The following TBC1D16 variants were observed in gnomAD, a reference collection of about 807,000 sequenced individuals.
TBC1D16 encodes CTD-2529O21.1.
TBC1D16 carries 58 observed loss-of-function variants against 74.7 expected under a neutral mutation model. That is an observed-to-expected ratio of 0.78 (90% CI 0.63 to 0.97). TBC1D16 has a LOEUF of 0.97. Among genes scored for constraint, TBC1D16 ranks in the 50% least tolerant of loss-of-function variants. The pLI, the probability that TBC1D16 is intolerant of heterozygous loss-of-function variation, is 0.00. For synonymous variants in TBC1D16, 493 were observed against 474.7 expected (o/e 1.04, Z -0.50); for missense variants, 1,014 against 1,079.5 (o/e 0.94, Z 0.85).
intron 3 of TBC1D16, among the ~76,000 whole-genome samples, chr17:79,970,814 G>C (rs1234343559): frequency 7.0e-6 from 1 of 143,142 alleles, no homozygotes; most frequent in Non-Finnish European, 1.5e-5. Context: ...GCACATCAGA[G>C]AAAGCACCAG....
intron 3 of TBC1D16, among the ~76,000 whole-genome samples, chr17:79,982,142 T>G (rs1598384752): frequency 6.7e-6 from 1 of 150,160 alleles, no homozygotes; most frequent in African/African-American, 2.5e-5. Flanking sequence ...CTTTGTGTGG[T>G]TTTTTTTTCT....
Position 80,019,234 on chromosome 17 carries a change from C to A in TBC1D16, c.-62-5625G>T, listed in dbSNP as rs1473975336. 1.3e-5 allele frequency among the ~76,000 whole-genome samples: 2 copies of A among 150,152 alleles called. 1 individual carries two copies. The highest frequency in any genetic ancestry group is 5.1e-5 in the African/African-American group (2 of 39,504). On this transcript the variant is annotated intron_variant, in intron 1 of 11. Coordinates refer to ENST00000310924, the MANE Select transcript of TBC1D16 (RefSeq NM_019020.4). ...TTCCGAAATACAAGTGTTCAAAATA[C>A]AGCATTTTCTCCCATACCATGACAG...
rs560820588 is a variant in TBC1D16 at position 79,990,175 on chromosome 17, T to C, written c.779+19985A>G. ...CAGAGTCTAACGACTAGATTTGACTTTCAGCTGCTCGGACGGAGGCTTCAA... is the reference window on the plus strand; with the variant it reads ...CAGAGTCTAACGACTAGATTTGACTCTCAGCTGCTCGGACGGAGGCTTCAA... On this transcript the variant is annotated intron_variant, in intron 3 of 11. Transcript: ENST00000310924. This position sits in a 1 kb window ranked among gnomAD's most constrained non-coding sequence, Gnocchi z 4.8. 3.9e-5 allele frequency among the ~76,000 whole-genome samples: 6 copies of C among 152,336 alleles called. No homozygotes were observed. The South Asian group carries it at 8.3e-4, about 21-fold the overall frequency.
At chr17:80,018,438 T>C (rs990742539) in intron 1 of TBC1D16, among the ~76,000 whole-genome samples, 24 of 149,218 alleles carry the variant, frequency 1.6e-4, no homozygotes, top group South Asian at 8.5e-4. Flanking sequence ...CCCGCCACCA[T>C]GCCCGGCTAA....
chr17:79,969,290 G>C lies in TBC1D16; in HGVS notation c.780-16472C>G, dbSNP rs572427893. Among the ~76,000 whole-genome samples, 16 of 152,284 alleles carry C rather than the reference G, an allele frequency of 1.1e-4. No homozygotes were observed. In the East Asian group the frequency reaches 3.1e-3, roughly 29 times the overall value. On this transcript the variant is annotated intron_variant, in intron 3 of 11. Coordinates refer to ENST00000310924, the MANE Select transcript of TBC1D16 (RefSeq NM_019020.4). ...AATCCCAGCTACTCGGGAGGCTGAG[G>C]CAGGAGAATCGCTTGAACCTAGGAA...
In TBC1D16 at chr17:80,010,051, G is replaced by A. The variant is rs2035817165; in HGVS notation, c.779+109C>T. On this transcript the variant is annotated intron_variant, in intron 3 of 11. Transcript: ENST00000310924. The surrounding 1 kb of genome is among the most constrained non-coding windows in gnomAD (Gnocchi z 8.8). The stretch of plus-strand genomic sequence containing the variant: ...GCCACAGCCGCGGGCAGGTCGGGCA[G>A]ATGCCTCCAGCGCTCACCTGGCATC... The A allele has an allele frequency of 3.0e-5, 29 of 977,822 alleles. No homozygotes were observed. The South Asian group carries it at 4.9e-4, about 17-fold the overall frequency. The allele number at this position is 977,822 out of a possible 1,614,324, so 60.6% of individuals were successfully genotyped here. A position where few individuals can be genotyped will look rare whatever the true frequency, so the allele number is the denominator to read the frequency against.
In TBC1D16 at chr17:79,956,049, A is replaced by G. The variant is rs549275855; in HGVS notation, c.780-3231T>C. Among the ~76,000 whole-genome samples the G allele has an allele frequency of 7.2e-5, 11 of 152,312 alleles. 1 individual carries two copies. In the South Asian group the frequency reaches 2.3e-3, roughly 32 times the overall value. ...TTGGCACAGTGCAGGCAAGACAGAC[A>G]GACGAGAGCTCATGAGAGAGACACG... On this transcript the variant is annotated intron_variant, in intron 3 of 11. Coordinates refer to ENST00000310924, the MANE Select transcript of TBC1D16 (RefSeq NM_019020.4). The surrounding 1 kb of genome is among the most constrained non-coding windows in gnomAD (Gnocchi z 4.0).
chr17:79,951,489 C>G lies in TBC1D16; in HGVS notation c.1050G>C (p.Gln350His). The G allele has an allele frequency of 6.2e-7, 1 of 1,613,970 alleles. No homozygotes were observed. The highest frequency in any genetic ancestry group is 8.5e-7 in the Non-Finnish European group (1 of 1,179,946). ...GCATCTCGGTGCAGTATTTCCACTGCTGGAACACGTCAGACAGCTTGTCCA... is the reference window on the plus strand; with the variant it reads ...GCATCTCGGTGCAGTATTTCCACTGGTGGAACACGTCAGACAGCTTGTCCA... ...GGLDKLSDVF[Q>H]QWKYCTEMQL... Residue 350 changes from glutamine to histidine, a missense_variant, in exon 5 of 12, where the codon CAG becomes CAC. Coordinates refer to ENST00000310924, the MANE Select transcript of TBC1D16 (RefSeq NM_019020.4).
intron 3 of TBC1D16, among the ~76,000 whole-genome samples, chr17:79,966,787 A>G (rs886180524): frequency 6.6e-6 from 1 of 152,228 alleles, no homozygotes; most frequent in African/African-American, 2.4e-5. Context: ...ATCCATTTGA[A>G]TAGACCCAAA....
At chr17:80,016,787 C>T (rs2036105661) in intron 1 of TBC1D16, among the ~76,000 whole-genome samples, 1 of 152,202 alleles carries the variant, frequency 6.6e-6, no homozygotes, top group South Asian at 2.1e-4. Flanking sequence ...TCCCCCAGCC[C>T]TGTTTGTGTA....
Position 79,986,483 on chromosome 17 carries a change from C to G in TBC1D16, c.779+23677G>C, listed in dbSNP as rs2144393854. Among the ~76,000 whole-genome samples the G allele has an allele frequency of 6.6e-6, 1 of 152,300 alleles. No individual in the cohort carries two copies. Among genetic ancestry groups the G allele is most frequent in the South Asian group, 2.1e-4 (1 of 4,820 alleles). ...CCCCGGGATTATTTTTGGAGGGCCCCTCCCTGCAGAGCAACCACGTGAGGA... is the reference window on the plus strand; with the variant it reads ...CCCCGGGATTATTTTTGGAGGGCCCGTCCCTGCAGAGCAACCACGTGAGGA... On this transcript the variant is annotated intron_variant, in intron 3 of 11. Transcript: ENST00000310924. This position sits in a 1 kb window ranked among gnomAD's most constrained non-coding sequence, Gnocchi z 6.0.
At position 80,025,582 on chromosome 17, in the gene TBC1D16, G is replaced by GCCTGCTGGGAGCACCCC. The variant is rs1434585417; in HGVS notation, c.-63+10212_-63+10213insGGGGTGCTCCCAGCAGG. ...CGGGGCCCGCCTGCTGGGAGCAGCC[G>GCCTGCTGGGAGCACCCC]CCTGCTGGGAGCACCTCCTTGCTGG... On this transcript the variant is annotated intron_variant, in intron 1 of 11. Coordinates refer to ENST00000310924, the MANE Select transcript of TBC1D16 (RefSeq NM_019020.4). Among the ~76,000 whole-genome samples, 14 of 120,228 alleles carry GCCTGCTGGGAGCACCCC rather than the reference G, an allele frequency of 1.2e-4. 3 individuals carry two copies. The highest frequency in any genetic ancestry group is 6.3e-4 in the South Asian group (2 of 3,182). The allele number at this position is 120,228 out of a possible 152,430, so 78.9% of individuals were successfully genotyped here. A position where few individuals can be genotyped will look rare whatever the true frequency, so the allele number is the denominator to read the frequency against.
At chr17:79,969,426 T>C (rs754941866) in intron 3 of TBC1D16, among the ~76,000 whole-genome samples, 4 of 151,952 alleles carry the variant, frequency 2.6e-5, no homozygotes, top group African/African-American at 4.8e-5. Context: ...AAAAACAACG[T>C]TGAGATACCA....
chr17:79,972,188 T>TC (rs540355181), intron 3 of TBC1D16, among the ~76,000 whole-genome samples: 41 of 152,136 alleles, frequency 2.7e-4, no homozygotes, highest in African/African-American at 7.5e-4. Context: ...TTTTTTTTCT[T>TC]CCCCCTGAGA....
At chr17:80,017,690 A>G (rs1196390827) in intron 1 of TBC1D16, among the ~76,000 whole-genome samples, 1 of 137,568 alleles carries the variant, frequency 7.3e-6, no homozygotes, top group Non-Finnish European at 1.5e-5. Context: ...CAAAAAAAAA[A>G]AAAAAAAAAA....
rs754415918 is a variant in TBC1D16, at chr17:79,952,768, A to C, written c.830T>G (p.Leu277Arg). ...CTCGTCCCAGCGTGGGGTCTGCAGG[A>C]GGCCGTTGCTGTCCGGGAACCGCAG... ...AGLRFPDSNG[L>R]LQTPRWDEPQ... Residue 277 changes from leucine (L) to arginine (R), a missense_variant, in exon 4 of 12, where the codon CTC becomes CGC. Leu to Arg is a moderately radical substitution (Grantham distance 102, BLOSUM62 -2). Coordinates refer to ENST00000310924, the MANE Select transcript of TBC1D16 (RefSeq NM_019020.4). 1.9e-6 allele frequency: 3 copies of C among 1,611,968 alleles called. No homozygotes were observed. Among genetic ancestry groups the C allele is most frequent in the Middle Eastern group, 1.7e-4 (1 of 6,046 alleles).
In TBC1D16 at chr17:79,971,027, T is replaced by C. The variant is rs578091687; in HGVS notation, c.780-18209A>G. Among the ~76,000 whole-genome samples, 3 of 147,724 alleles carry C rather than the reference T, an allele frequency of 2.0e-5. No individual in the cohort carries two copies. Among genetic ancestry groups the C allele is most frequent in the Non-Finnish European group, 4.5e-5 (3 of 66,494 alleles). ...AATATACACTCCCTGTATTTTTATT[T>C]TTTATTTTTTTTTGAGATGGAGTCT... On this transcript the variant is annotated intron_variant, in intron 3 of 11. Transcript: ENST00000310924. This position sits in a 1 kb window ranked among gnomAD's most constrained non-coding sequence, Gnocchi z 4.6.
rs535976157 is a variant in TBC1D16, at chr17:79,979,002, T to C, written c.780-26184A>G. 2.6e-5 allele frequency among the ~76,000 whole-genome samples: 4 copies of C among 152,274 alleles called. No homozygotes were observed. Among genetic ancestry groups the C allele is most frequent in the Admixed American group, 6.5e-5 (1 of 15,276 alleles). On this transcript the variant is annotated intron_variant, in intron 3 of 11. Coordinates refer to ENST00000310924, the MANE Select transcript of TBC1D16 (RefSeq NM_019020.4). The surrounding 1 kb of genome is among the most constrained non-coding windows in gnomAD (Gnocchi z 4.8). ...TACTGGGAAGAAAACAGCCAAGAGA[T>C]TTTTCTGAACCCAAAAAGAATGTTT...
At position 79,975,531 on chromosome 17, in the gene TBC1D16, G is replaced by C. The variant is rs910253179; in HGVS notation, c.780-22713C>G. Among the ~76,000 whole-genome samples the C allele has an allele frequency of 6.6e-6, 1 of 152,294 alleles. No individual in the cohort carries two copies. Among genetic ancestry groups the C allele is most frequent in the African/African-American group, 2.4e-5 (1 of 41,558 alleles). ...CAAAAGAATGGGACCGGGAGCAACC[G>C]CAATGCCCTCTGGAGACCCAGCTCC... On this transcript the variant is annotated intron_variant, in intron 3 of 11. Transcript: ENST00000310924. This position sits in a 1 kb window ranked among gnomAD's most constrained non-coding sequence, Gnocchi z 4.5.
Sources: allele counts gnomAD v4.1 joint callset (sites outside exome capture counted in the v4.1 genomes callset), GRCh38; gene constraint gnomAD v4.1.1; non-coding constraint Gnocchi (gnomAD v3.1); transcripts MANE v1.5; gene names NCBI Gene and HGNC (gene_info 2026-07-23, HGNC 2026-07-21).